The following ASAP1 variants were observed in gnomAD, a reference collection of about 807,000 sequenced individuals.
The protein encoded by ASAP1 is arf-GAP with SH3 domain, ANK repeat and PH domain-containing protein 1.
Under a neutral mutation model 145.2 loss-of-function variants are expected in ASAP1, and 43 were observed. The observed-to-expected ratio is 0.30, with a 90% confidence interval of 0.23 to 0.38. ASAP1 has a LOEUF of 0.38. Ranked by LOEUF, ASAP1 falls within the 10% of genes least tolerant of loss-of-function variation. The pLI, the probability that ASAP1 is intolerant of heterozygous loss-of-function variation, is 1.00. For synonymous variants in ASAP1, 546 were observed against 515.5 expected (o/e 1.06, Z -0.80); for missense variants, 1,018 against 1,355.3 (o/e 0.75, Z 3.91).
intron 13 of ASAP1, among the ~76,000 whole-genome samples, chr8:130,146,939 C>A (rs544787166): frequency 1.3e-5 from 2 of 152,160 alleles, no homozygotes; most frequent in South Asian, 4.1e-4. Context: ...CAAAAGAATT[C>A]CAACGGCCAG....
intron 3 of ASAP1, among the ~76,000 whole-genome samples, chr8:130,273,754 T>A (rs1477409075): frequency 6.6e-6 from 1 of 152,184 alleles, no homozygotes; most frequent in South Asian, 2.1e-4. Context: ...TGGTCTGTGG[T>A]GCGACCCAGA....
At chr8:130,233,109 C>T (rs570161680) in intron 4 of ASAP1, among the ~76,000 whole-genome samples, 1 of 152,194 alleles carries the variant, frequency 6.6e-6, no homozygotes, top group Non-Finnish European at 1.5e-5. Context: ...CCTCAATAGT[C>T]TGTGAGGAAC....
chr8:130,323,052 C>T (rs1324930460), intron 3 of ASAP1, among the ~76,000 whole-genome samples: 1 of 152,188 alleles, frequency 6.6e-6, no homozygotes, highest in African/African-American at 2.4e-5. Flanking sequence ...CGTGCATCTG[C>T]TGGAGTGAAG....
At chr8:130,413,574 C>T (rs1297727504) in intron 1 of ASAP1, among the ~76,000 whole-genome samples, 1 of 152,186 alleles carries the variant, frequency 6.6e-6, no homozygotes, top group Non-Finnish European at 1.5e-5. Context: ...CAAATCTCAT[C>T]AAGATAAAGC....
At chr8:130,343,923 T>A (rs912013334) in intron 3 of ASAP1, among the ~76,000 whole-genome samples, 2 of 152,260 alleles carry the variant, frequency 1.3e-5, no homozygotes, top group African/African-American at 4.8e-5. Context: ...ATACTTGAAG[T>A]GACAGTAGCG....
intron 3 of ASAP1, among the ~76,000 whole-genome samples, chr8:130,238,220 C>T (rs1332230689): frequency 6.6e-6 from 1 of 152,090 alleles, no homozygotes; most frequent in Non-Finnish European, 1.5e-5. Context: ...CAACGTCATT[C>T]CTCGGATTTC....
At chr8:130,355,853 G>A (rs1417928844) in intron 3 of ASAP1, among the ~76,000 whole-genome samples, 4 of 152,036 alleles carry the variant, frequency 2.6e-5, no homozygotes, top group African/African-American at 4.8e-5. Context: ...AAAATATGCC[G>A]ACCGGAGACA....
intron 1 of ASAP1, among the ~76,000 whole-genome samples, chr8:130,442,765 C>T (rs1314847752): frequency 2.0e-5 from 3 of 152,092 alleles, no homozygotes; most frequent in Non-Finnish European, 2.9e-5. Flanking sequence ...CAAGATGAAC[C>T]TCTTGGGATG....
intron 3 of ASAP1, among the ~76,000 whole-genome samples, chr8:130,265,098 C>G (rs548847581): frequency 3.7e-4 from 57 of 152,258 alleles, no homozygotes; most frequent in African/African-American, 1.4e-3. Context: ...CAACAAAGGG[C>G]TGCTGGCAGC....
chr8:130,408,968 A>G (rs1829150203), intron 1 of ASAP1, among the ~76,000 whole-genome samples: 2 of 152,150 alleles, frequency 1.3e-5, no homozygotes, highest in African/African-American at 4.8e-5. Context: ...GGTAAGTCAA[A>G]TCTCCTCTCC....
chr8:130,088,421 G>A (rs1337546355), intron 25 of ASAP1, among the ~76,000 whole-genome samples: 1 of 151,998 alleles, frequency 6.6e-6, no homozygotes, highest in Non-Finnish European at 1.5e-5. Context: ...ATTCATGTGG[G>A]TCCTATATAC....
chr8:130,298,443 C>T lies in ASAP1; in HGVS notation c.186+59574G>A, dbSNP rs184301726. Among the ~76,000 whole-genome samples the T allele has an allele frequency of 1.1e-4, 16 of 152,170 alleles. No individual in the cohort carries two copies. In the South Asian group the frequency reaches 2.3e-3, roughly 22 times the overall value. ...TGCTAGCTCCATCCCATCTCCTCTTCGAGGCCAGGCCACCAATAGCTCTCA... is the reference window on the plus strand; with the variant it reads ...TGCTAGCTCCATCCCATCTCCTCTTTGAGGCCAGGCCACCAATAGCTCTCA... On this transcript the variant is annotated intron_variant, in intron 3 of 29. Coordinates refer to ENST00000518721, the MANE Select transcript of ASAP1 (RefSeq NM_018482.4).
Position 130,322,102 on chromosome 8 carries a change from A to G in ASAP1, c.186+35915T>C, listed in dbSNP as rs562313153. 1.1e-4 allele frequency among the ~76,000 whole-genome samples: 17 copies of G among 152,332 alleles called. No individual in the cohort carries two copies. The South Asian group carries it at 3.5e-3, about 32-fold the overall frequency. On this transcript the variant is annotated intron_variant, in intron 3 of 29. Coordinates refer to ENST00000518721, the MANE Select transcript of ASAP1 (RefSeq NM_018482.4). Reference sequence around the variant, plus strand: ...TCTTCATCTCTAGAGATTTTTTGTTAAGAAAAATCAGCTGGGGAGAAGACA... The same window carrying G: ...TCTTCATCTCTAGAGATTTTTTGTTGAGAAAAATCAGCTGGGGAGAAGACA...
chr8:130,366,886 CTTT>C (rs905755447), intron 2 of ASAP1, among the ~76,000 whole-genome samples: 25 of 99,192 alleles, frequency 2.5e-4, no homozygotes, highest in African/African-American at 7.3e-4. Flanking sequence ...TGCTAGATTC[CTTT>C]TTTTTTTTTT....
intron 9 of ASAP1, among the ~76,000 whole-genome samples, chr8:130,174,363 A>C (rs1283579313): frequency 6.6e-6 from 1 of 152,206 alleles, no homozygotes. Context: ...TTCCAAATAG[A>C]AGGGAAAATT....
At chr8:130,309,987 CTT>C (rs1823233897) in intron 3 of ASAP1, among the ~76,000 whole-genome samples, 2 of 152,130 alleles carry the variant, frequency 1.3e-5, no homozygotes, top group South Asian at 4.1e-4. Context: ...AACAGAGGCT[CTT>C]TTCTAAATCG....
intron 3 of ASAP1, among the ~76,000 whole-genome samples, chr8:130,338,266 C>T (rs1004072413): frequency 1.3e-5 from 2 of 152,200 alleles, no homozygotes; most frequent in African/African-American, 4.8e-5. Flanking sequence ...CCCAAAACTG[C>T]ACAGTTAAGT....
At chr8:130,258,933 G>A (rs76944665) in intron 3 of ASAP1, among the ~76,000 whole-genome samples, 4,004 of 152,170 alleles carry the variant, frequency 0.026, 61 homozygotes, top group Middle Eastern at 0.044. Context: ...CAATTTTGGG[G>A]CAAGTGGTAG....
At chr8:130,153,350 T>TATATATATATAC (rs1235141329) in intron 12 of ASAP1, among the ~76,000 whole-genome samples, 8 of 48,534 alleles carry the variant, frequency 1.6e-4, no homozygotes, top group Admixed American at 1.6e-3. Flanking sequence ...TATATATATA[T>TATATATATATAC]ATATATATGT....
Sources: allele counts gnomAD v4.1 joint callset (sites outside exome capture counted in the v4.1 genomes callset), GRCh38; gene constraint gnomAD v4.1.1; transcripts MANE v1.5; gene names NCBI Gene and HGNC (gene_info 2026-07-23, HGNC 2026-07-21).